The following ANAPC15 variants were observed in gnomAD, a reference collection of about 807,000 sequenced individuals.
ANAPC15 encodes the protein anaphase-promoting complex subunit 15.
ANAPC15 carries 13 observed loss-of-function variants against 19.8 expected under a neutral mutation model. The ratio of observed to expected loss-of-function variants is 0.66; its 90% CI spans 0.43 to 1.04. The LOEUF is 1.04. Ranked by LOEUF, ANAPC15 falls within the 50% of genes least tolerant of loss-of-function variation. The pLI is 0.00. For synonymous variants in ANAPC15, 45 were observed against 50.7 expected (o/e 0.89, Z 0.47); for missense variants, 88 against 150.3 (o/e 0.59, Z 2.17).
intron 1 of ANAPC15, chr11:72,111,985 T>C (rs1022671366): frequency 6.5e-6 from 1 of 152,798 alleles, no homozygotes; most frequent in Non-Finnish European, 1.5e-5. Context: ...CCAGATAATC[T>C]GAATTAAACT....
At chr11:72,108,166 T>G, downstream of ANAPC15, 11 of 1,415,406 alleles carry the variant, frequency 7.8e-6, no homozygotes, top group Non-Finnish European at 1.0e-5. Flanking sequence ...CCCCAGGCCT[T>G]GCCCCCAGAC....
At chr11:72,109,239 G>C, downstream of ANAPC15, 1 of 468,734 alleles carries the variant, frequency 2.1e-6, no homozygotes, top group Non-Finnish European at 4.1e-6. Flanking sequence ...CTTGCTCTGA[G>C]ATTTAATCTT....
chr11:72,108,309 A>G (rs899828422), downstream of ANAPC15, among the ~76,000 whole-genome samples: 6 of 152,230 alleles, frequency 3.9e-5, no homozygotes, highest in Non-Finnish European at 7.3e-5. Context: ...GGATGACGAA[A>G]GAAACAGCTA....
intron 3 of ANAPC15, 50 bp downstream of exon 3, chr11:72,111,107 A>AGGGCTCTGTCTGTGCTGG: frequency 9.5e-7 from 1 of 1,051,890 alleles, no homozygotes. Flanking sequence ...CCACTGAAGG[A>AGGGCTCTGTCTGTGCTGG]GGTCTCTGTC....
downstream of ANAPC15, chr11:72,108,751 G>T (rs943224181): frequency 6.5e-6 from 10 of 1,550,244 alleles, no homozygotes; most frequent in African/African-American, 5.5e-5. Context: ...ATGCCCTACT[G>T]CCAGCAGGTG....
chr11:72,110,184 C>T lies in ANAPC15; in HGVS notation c.222G>A (p.Glu74=). The T allele has an allele frequency of 6.2e-7, 1 of 1,614,142 alleles. No homozygotes were observed. Among genetic ancestry groups the T allele is most frequent in the East Asian group, 2.2e-5 (1 of 44,878 alleles). The change falls in exon 5 of 6, where the codon GAG becomes GAA. Residue 74 remains glutamate, a synonymous_variant. Transcript: ENST00000227618. ...DEEEEDDEDD[E]DSEEDSEDDE... is the part of the protein sequence containing the mutation. ...CATCCTCTGAGTCCTCTTCACTATC[C>T]TCATCATCTTCATCATCCTCTTCTT...
rs1356982580 is a variant in ANAPC15, at chr11:72,110,387, T to C, written c.180+157A>G. The stretch of plus-strand genomic sequence containing the variant: ...TGCATGTTCTGCAGGACCTTAATGC[T>C]AGGCCCAATGCCCACCCCTTCTATC... On this transcript the variant is annotated intron_variant, in intron 4 of 5. Transcript: ENST00000227618. 6 of 1,518,796 alleles carry C rather than the reference T, an allele frequency of 4.0e-6. No individual in the cohort carries two copies. In the East Asian group the frequency reaches 1.1e-4, roughly 29 times the overall value. 94.1% of individuals were successfully genotyped at this position (1,518,796 alleles called of 1,614,324 possible).
downstream of ANAPC15, chr11:72,108,150 T>C: frequency 2.0e-6 from 3 of 1,469,472 alleles, no homozygotes; most frequent in Non-Finnish European, 2.7e-6. Flanking sequence ...ACCCAGATTT[T>C]TGTCACCCCA....
At chr11:72,111,095 G>T in intron 3 of ANAPC15, 62 bp downstream of exon 3, 2 of 1,002,766 alleles carry the variant, frequency 2.0e-6, no homozygotes, top group African/African-American at 3.0e-5. Context: ...CTGGGTCATG[G>T]CCCACTGAAG....
downstream of ANAPC15, chr11:72,106,418 G>T (rs1945697788): frequency 5.6e-6 from 3 of 536,852 alleles, no homozygotes; most frequent in Non-Finnish European, 9.2e-6. Context: ...TTAGGAATGT[G>T]CTAGGTGCCA....
At chr11:72,107,970 C>A (rs1945865565), downstream of ANAPC15, 4 of 1,551,720 alleles carry the variant, frequency 2.6e-6, no homozygotes, top group Non-Finnish European at 3.5e-6. Flanking sequence ...TGCTTGTGTG[C>A]TGGAATTGGG....
intron 3 of ANAPC15, 118 bp from the exon 4 acceptor site, chr11:72,110,721 C>CTGAGAACTGGGAGGA: frequency 1.9e-6 from 2 of 1,060,814 alleles, no homozygotes; most frequent in Non-Finnish European, 2.8e-6. Context: ...AGCTTCCTCC[C>CTGAGAACTGGGAGGA]AGTTCTCAGG....
chr11:72,108,869 G>A (rs775803008), downstream of ANAPC15: 4 of 1,550,314 alleles, frequency 2.6e-6, no homozygotes, highest in Admixed American at 3.9e-5. Flanking sequence ...TGGCCTTCCA[G>A]ACTTCCCTGC....
rs1208570713 is a variant in ANAPC15, at chr11:72,111,301, C to T, written c.-10-15G>A. On this transcript the variant is annotated splice_polypyrimidine_tract_variant and intron_variant, in intron 2 of 5. Transcript: ENST00000227618. ...TGGCTCCTAGACTGAGGGAAAGGGT[C>T]AAGTGAATGTGTTTTGCTTTGTTTT... The T allele has an allele frequency of 6.4e-7, 1 of 1,561,480 alleles. No individual in the cohort carries two copies. Among genetic ancestry groups the T allele is most frequent in the Admixed American group, 1.7e-5 (1 of 59,376 alleles).
At chr11:72,111,106 G>T (rs755834961) in intron 3 of ANAPC15, 51 bp downstream of exon 3, 2 of 1,260,846 alleles carry the variant, frequency 1.6e-6, no homozygotes, top group South Asian at 1.2e-5. Flanking sequence ...CCCACTGAAG[G>T]AGGTCTCTGT....
At chr11:72,109,090 A>T (rs933277974), downstream of ANAPC15, 16 of 621,388 alleles carry the variant, frequency 2.6e-5, no homozygotes, top group African/African-American at 2.6e-4. Flanking sequence ...CACTGACCTC[A>T]AGTGTCAAGT....
At chr11:72,108,521 A>G (rs1260870089), downstream of ANAPC15, 9 of 1,253,200 alleles carry the variant, frequency 7.2e-6, no homozygotes, top group Non-Finnish European at 9.6e-6. Context: ...AGGACCTGGC[A>G]TGAAGTAAGC....
At chr11:72,107,932 T>C, downstream of ANAPC15, 1 of 1,551,778 alleles carries the variant, frequency 6.4e-7, no homozygotes, top group Non-Finnish European at 8.7e-7. Context: ...GGTCAGATCC[T>C]GATGCGGCTG....
chr11:72,108,842 T>G, downstream of ANAPC15: 3 of 1,550,776 alleles, frequency 1.9e-6, no homozygotes, highest in Non-Finnish European at 2.6e-6. Context: ...CCGCTACCGC[T>G]GCCGCCTCCA....
Sources: allele counts gnomAD v4.1 joint callset (sites outside exome capture counted in the v4.1 genomes callset), GRCh38; gene constraint gnomAD v4.1.1; transcripts MANE v1.5; gene names NCBI Gene and HGNC (gene_info 2026-07-23, HGNC 2026-07-21).